The following PRKACA variants were observed in gnomAD, a reference collection of about 807,000 sequenced individuals.
PRKACA encodes the protein cAMP-dependent protein kinase catalytic subunit alpha.
In PRKACA, 9 loss-of-function variants were observed where a neutral mutation model predicts 45.8. The ratio of observed to expected loss-of-function variants is 0.20; its 90% CI spans 0.12 to 0.34. The LOEUF (loss-of-function observed/expected upper bound fraction) is 0.34, where lower values mean the gene tolerates loss of function less well. Among genes scored for constraint, PRKACA ranks in the 10% least tolerant of loss-of-function variants. The probability of loss-of-function intolerance (pLI) is 1.00; values close to 1 mark genes in which losing one functional copy is unlikely to be tolerated. For missense variants in PRKACA, 238 were observed against 458.6 expected, an observed-to-expected ratio of 0.52 and a Z score of 4.39; for synonymous variants, 160 against 178.6, an observed-to-expected ratio of 0.90 and a Z score of 0.83.
At chr19:14,113,089 C>T (rs1967015433) in intron 1 of PRKACA, among the ~76,000 whole-genome samples, 1 of 151,870 alleles carries the variant, frequency 6.6e-6, no homozygotes, top group Non-Finnish European at 1.5e-5. Flanking sequence ...TGCTCCTATG[C>T]GGGGGTGGAG....
Position 14,093,057 on chromosome 19 carries a change from CG to C in PRKACA, c.*54del. The stretch of plus-strand genomic sequence containing the variant: ...GTTCAATCCAACCCTCCCACCCCCC[CG>C]ACCAAAAAAAAGAAAAAAGAAAAAA... On this transcript the variant is annotated 3_prime_UTR_variant, in exon 10 of 10. Coordinates refer to ENST00000308677, the MANE Select transcript of PRKACA (RefSeq NM_002730.4). 1 of 1,340,114 alleles carries C rather than the reference CG, an allele frequency of 7.5e-7. No homozygotes were observed. The highest frequency in any genetic ancestry group is 1.8e-5 in the South Asian group (1 of 56,216). The allele number at this position is 1,340,114 out of a possible 1,614,324, so 83.0% of individuals were successfully genotyped here.
At chr19:14,115,886 A>G (rs550960422) in intron 1 of PRKACA, among the ~76,000 whole-genome samples, 5 of 151,808 alleles carry the variant, frequency 3.3e-5, no homozygotes, top group Non-Finnish European at 7.4e-5. Context: ...CCCCCGGCCA[A>G]GTCCCCTCCA....
chr19:14,095,815 C>T (rs1234796442), intron 8 of PRKACA, among the ~76,000 whole-genome samples: 1 of 152,020 alleles, frequency 6.6e-6, no homozygotes, highest in Non-Finnish European at 1.5e-5. Flanking sequence ...CGCGCCTGGC[C>T]TTCATCTTTC....
At chr19:14,093,377 T>C (rs1977150306) in intron 9 of PRKACA, 140 bp from the exon 10 acceptor site, 1 of 1,232,118 alleles carries the variant, frequency 8.1e-7, no homozygotes. Context: ...GGATTCCTCT[T>C]AACAGCCCGA....
At chr19:14,108,715 A>AT (rs987862319) in intron 1 of PRKACA, among the ~76,000 whole-genome samples, 9 of 138,526 alleles carry the variant, frequency 6.5e-5, no homozygotes, top group Non-Finnish European at 1.2e-4. Flanking sequence ...CGGCCAATTT[A>AT]TTTTTTTTAA....
chr19:14,096,406 T>C (rs2053895456), intron 8 of PRKACA: 2 of 151,514 alleles, frequency 1.3e-5, no homozygotes, highest in Non-Finnish European at 2.9e-5. Flanking sequence ...CAGGCTGGTC[T>C]GGAACTCCTG....
chr19:14,108,028 C>T (rs1029640329), intron 1 of PRKACA: 19 of 985,896 alleles, frequency 1.9e-5, no homozygotes, highest in African/African-American at 1.7e-4. Context: ...GACCCTGTGC[C>T]GGCTGCTGTC....
intron 1 of PRKACA, among the ~76,000 whole-genome samples, chr19:14,113,166 C>T (rs1967017779): frequency 6.6e-6 from 1 of 151,732 alleles, no homozygotes; most frequent in African/African-American, 2.4e-5. Flanking sequence ...GCTCTACTCT[C>T]GGCCATGAAA....
chr19:14,102,935 G>A, intron 3 of PRKACA, 21 bp from the exon 4 acceptor site: 4 of 1,588,844 alleles, frequency 2.5e-6, no homozygotes, highest in Non-Finnish European at 3.5e-6. Flanking sequence ...AAGGAGGGGA[G>A]GGCAGAAAGG....
intron 5 of PRKACA, among the ~76,000 whole-genome samples, chr19:14,098,812 T>TG (rs1977348502): frequency 7.4e-6 from 1 of 135,934 alleles, no homozygotes; most frequent in African/African-American, 3.0e-5. Flanking sequence ...TGTATGTTAT[T>TG]GGAAAAAAAA....
At chr19:14,108,038 C>T (rs1303343248) in intron 1 of PRKACA, 2 of 985,796 alleles carry the variant, frequency 2.0e-6, no homozygotes, top group African/African-American at 3.5e-5. Flanking sequence ...CGGCTGCTGT[C>T]TACACTGTCT....
Position 14,115,326 on chromosome 19 carries a change from C to T in PRKACA, c.46+2176G>A, listed in dbSNP as rs41296246. Among the ~76,000 whole-genome samples the T allele has an allele frequency of 3.8e-3, 572 of 152,226 alleles. 5 individuals carry two copies. Among genetic ancestry groups the T allele is most frequent in the African/African-American group, 0.013 (551 of 41,544 alleles). ...TACATCTGAACACAAGTGAGTAAAA[C>T]TTTTATTATTTTAAATTAAGAAAAT... On this transcript the variant is annotated intron_variant, in intron 1 of 9. Transcript: ENST00000308677.
chr19:14,098,054 G>T, intron 5 of PRKACA, 164 bp from the exon 6 acceptor site: 1 of 801,170 alleles, frequency 1.2e-6, no homozygotes, highest in East Asian at 2.7e-5. Context: ...CAGCCTGTGG[G>T]TCCATCCACA....
chr19:14,100,258 A>G (rs768499878), intron 5 of PRKACA, among the ~76,000 whole-genome samples: 1 of 151,892 alleles, frequency 6.6e-6, no homozygotes, highest in Admixed American at 6.6e-5. Flanking sequence ...CTACAGATGC[A>G]TGCCACCTTT....
chr19:14,093,041 AACCCT>A lies in PRKACA; in HGVS notation c.*66_*70del. 6.6e-5 allele frequency: 33 copies of A among 500,026 alleles called. No homozygotes were observed. Among genetic ancestry groups the A allele is most frequent in the Non-Finnish European group, 1.1e-4 (31 of 278,310 alleles). The allele number at this position is 500,026 out of a possible 1,614,324, so 31.0% of individuals were successfully genotyped here. On this transcript the variant is annotated 3_prime_UTR_variant, in exon 10 of 10. Coordinates refer to ENST00000308677, the MANE Select transcript of PRKACA (RefSeq NM_002730.4). Reference sequence around the variant, plus strand: ...CTGGGGCCCTCTGGCTGTTCAATCCAACCCTCCCACCCCCCCGACCAAAAAAAAGA... The same window carrying A: ...CTGGGGCCCTCTGGCTGTTCAATCCACCCACCCCCCCGACCAAAAAAAAGA...
chr19:14,106,940 T>C, intron 2 of PRKACA, 52 bp from the exon 3 acceptor site: 1 of 1,608,262 alleles, frequency 6.2e-7, no homozygotes, highest in Non-Finnish European at 8.5e-7. Flanking sequence ...CGCGGCCTGC[T>C]TGGCTAAGGT....
chr19:14,102,535 C>A (rs1977475602), intron 4 of PRKACA, among the ~76,000 whole-genome samples: 1 of 152,200 alleles, frequency 6.6e-6, no homozygotes. Flanking sequence ...GCTCCTGGGT[C>A]AGGCTCTTAC....
At position 14,097,167 on chromosome 19, in the gene PRKACA, G is replaced by C; in HGVS notation, c.765+194C>G. ...AAGCCCATGGGATTCTGGAACCGCGGGGTTGGGGCTGGACAGCAAGGGGGC... is the reference window on the plus strand; with the variant it reads ...AAGCCCATGGGATTCTGGAACCGCGCGGTTGGGGCTGGACAGCAAGGGGGC... On this transcript the variant is annotated intron_variant, in intron 8 of 9. Transcript: ENST00000308677. This position sits in a 1 kb window ranked among gnomAD's most constrained non-coding sequence, Gnocchi z 5.4. The C allele has an allele frequency of 2.6e-6, 2 of 783,074 alleles. No individual in the cohort carries two copies. Among genetic ancestry groups the C allele is most frequent in the South Asian group, 1.7e-5 (1 of 59,440 alleles). The allele number at this position is 783,074 out of a possible 1,614,324, so 48.5% of individuals were successfully genotyped here. A position where few individuals can be genotyped will look rare whatever the true frequency, so the allele number is the denominator to read the frequency against.
chr19:14,101,554 C>A (rs1977444281), intron 4 of PRKACA, among the ~76,000 whole-genome samples: 1 of 147,490 alleles, frequency 6.8e-6, no homozygotes, highest in Admixed American at 6.8e-5. Flanking sequence ...CAGGGTAAGA[C>A]CTTATCTTAA....
Sources: allele counts gnomAD v4.1 joint callset (sites outside exome capture counted in the v4.1 genomes callset), GRCh38; gene constraint gnomAD v4.1.1; non-coding constraint Gnocchi (gnomAD v3.1); transcripts MANE v1.5; gene names NCBI Gene and HGNC (gene_info 2026-07-23, HGNC 2026-07-21).